Variants in RABGAP1L observed in about 807,000 individuals in gnomAD.
RABGAP1L encodes the protein RAB GTPase activating protein 1 like.
A neutral mutation model predicts 137.7 loss-of-function variants in RABGAP1L; 63 were observed. That is an observed-to-expected ratio of 0.46 (90% CI 0.37 to 0.56). RABGAP1L has a LOEUF of 0.56. Ranked by LOEUF, RABGAP1L falls within the 20% of genes least tolerant of loss-of-function variation. The probability of loss-of-function intolerance (pLI) is 0.00; values close to 1 mark genes in which losing one functional copy is unlikely to be tolerated. For synonymous variants in RABGAP1L, 431 were observed against 433.7 expected, an observed-to-expected ratio of 0.99 and a Z score of 0.08; for missense variants, 1,095 against 1,244.0, an observed-to-expected ratio of 0.88 and a Z score of 1.80.
At chr1:174,841,853 T>C (rs1213580771) in intron 19 of RABGAP1L, among the ~76,000 whole-genome samples, 2 of 150,848 alleles carry the variant, frequency 1.3e-5, no homozygotes, top group African/African-American at 4.8e-5. Context: ...TAGCACAGAA[T>C]AACTTTCTTT....
intron 18 of RABGAP1L, among the ~76,000 whole-genome samples, chr1:174,784,192 T>C (rs1164624367): frequency 6.6e-6 from 1 of 151,778 alleles, no homozygotes; most frequent in Non-Finnish European, 1.5e-5. Context: ...GCCAATTTTT[T>C]GTATTTTTAG....
intron 1 of RABGAP1L, among the ~76,000 whole-genome samples, chr1:174,166,565 T>G (rs1664926836): frequency 6.6e-6 from 1 of 152,206 alleles, no homozygotes; most frequent in Non-Finnish European, 1.5e-5. Flanking sequence ...TGTTTTGAAG[T>G]CTTGGATGGA....
chr1:174,743,654 GAATAAATA>G (rs778282792), intron 17 of RABGAP1L, among the ~76,000 whole-genome samples: 2 of 151,248 alleles, frequency 1.3e-5, no homozygotes, highest in Admixed American at 6.6e-5. Flanking sequence ...TAAAATAAAT[GAATAAATA>G]AATAAATAAT....
At chr1:174,318,030 T>C (rs1165257663) in intron 11 of RABGAP1L, among the ~76,000 whole-genome samples, 1 of 147,850 alleles carries the variant, frequency 6.8e-6, no homozygotes, top group African/African-American at 2.5e-5. Flanking sequence ...GGGGTGGTAT[T>C]GGCAGTTCAG....
At chr1:174,619,835 A>T (rs1672269488) in intron 13 of RABGAP1L, among the ~76,000 whole-genome samples, 1 of 152,238 alleles carries the variant, frequency 6.6e-6, no homozygotes, top group Non-Finnish European at 1.5e-5. Context: ...ATTAAAAGAC[A>T]CAGACTGGCA....
intron 7 of RABGAP1L, among the ~76,000 whole-genome samples, chr1:174,263,978 G>T (rs193017576): frequency 1.3e-5 from 2 of 151,664 alleles, no homozygotes; most frequent in Non-Finnish European, 2.9e-5. Context: ...TATTTTATCC[G>T]TATTTGTAAT....
chr1:174,297,279 C>T (rs1459259799), intron 10 of RABGAP1L, among the ~76,000 whole-genome samples: 2 of 152,124 alleles, frequency 1.3e-5, no homozygotes, highest in Admixed American at 6.5e-5. Flanking sequence ...GTCTGTCCCA[C>T]GCCACAGAAA....
Position 174,430,648 on chromosome 1 carries a change from ATAGT to A in RABGAP1L, c.1710+36507_1710+36510del, listed in dbSNP as rs1383930562. On this transcript the variant is annotated intron_variant, in intron 13 of 25. Coordinates refer to ENST00000681986, the MANE Select transcript of RABGAP1L (RefSeq NM_001366446.1). ...AAAATCCAAATTTCACACAAACCTAATAGTTAGAGTTCAGTTTAACAGACATTTA... is the reference window on the plus strand; with the variant it reads ...AAAATCCAAATTTCACACAAACCTAATAGAGTTCAGTTTAACAGACATTTA... Among the ~76,000 whole-genome samples the A allele has an allele frequency of 5.3e-5, 8 of 152,272 alleles. No homozygotes were observed. In the South Asian group the frequency reaches 8.3e-4, roughly 16 times the overall value.
chr1:174,542,297 C>T (rs1226866869), intron 13 of RABGAP1L, among the ~76,000 whole-genome samples: 1 of 152,134 alleles, frequency 6.6e-6, no homozygotes, highest in African/African-American at 2.4e-5. Flanking sequence ...TTCAGGGATT[C>T]AACTTCTTCC....
chr1:174,505,740 A>G (rs1009320712), intron 13 of RABGAP1L, among the ~76,000 whole-genome samples: 11 of 152,188 alleles, frequency 7.2e-5, no homozygotes, highest in African/African-American at 2.7e-4. Context: ...AACAGCATGG[A>G]TGTTCCTAAA....
intron 19 of RABGAP1L, among the ~76,000 whole-genome samples, chr1:174,890,494 T>G: frequency 6.6e-6 from 1 of 152,354 alleles, no homozygotes; most frequent in South Asian, 2.1e-4. Context: ...TTCATAAAGA[T>G]GTAGACACTT....
intron 13 of RABGAP1L, among the ~76,000 whole-genome samples, chr1:174,427,144 ATGTGTGTGTGTGTGTG>A (rs57986877): frequency 4.2e-5 from 6 of 144,568 alleles, no homozygotes; most frequent in Non-Finnish European, 7.6e-5. Context: ...CCGCATGTTT[ATGTGTGTGTGTGTGTG>A]TGTGTGTGTG....
At position 174,474,665 on chromosome 1, in the gene RABGAP1L, C is replaced by T. The variant is rs192030225; in HGVS notation, c.1710+80520C>T. Among the ~76,000 whole-genome samples, 6 of 152,140 alleles carry T rather than the reference C, an allele frequency of 3.9e-5. No individual in the cohort carries two copies. In the East Asian group the frequency reaches 7.7e-4, roughly 20 times the overall value. ...GTCGCCAGGCTGGAGTGCAGTGGCA[C>T]GATTTTAGCTCACTGCAACCTCCTC... is the stretch of plus-strand genomic sequence containing the variant. On this transcript the variant is annotated intron_variant, in intron 13 of 25. Transcript: ENST00000681986.
At chr1:174,614,474 T>G (rs1191769629) in intron 13 of RABGAP1L, among the ~76,000 whole-genome samples, 1 of 152,246 alleles carries the variant, frequency 6.6e-6, no homozygotes, top group African/African-American at 2.4e-5. Flanking sequence ...CTTCCCTTTG[T>G]GGGTAACCCA....
intron 13 of RABGAP1L, among the ~76,000 whole-genome samples, chr1:174,590,210 G>C (rs1389533995): frequency 1.6e-5 from 2 of 128,680 alleles, no homozygotes; most frequent in African/African-American, 2.9e-5. Context: ...TTCCTTTACA[G>C]CAATTTAAAA....
chr1:174,569,275 T>C (rs1436699209), intron 13 of RABGAP1L, among the ~76,000 whole-genome samples: 1 of 152,122 alleles, frequency 6.6e-6, no homozygotes, highest in Non-Finnish European at 1.5e-5. Flanking sequence ...TGTGAATAAT[T>C]TTGGAGAACT....
intron 18 of RABGAP1L, among the ~76,000 whole-genome samples, chr1:174,762,058 C>T (rs1156292067): frequency 6.6e-6 from 1 of 151,914 alleles, no homozygotes; most frequent in African/African-American, 2.4e-5. Flanking sequence ...ATGCTCTGTG[C>T]TGGGAGTGTG....
intron 1 of RABGAP1L, among the ~76,000 whole-genome samples, chr1:174,203,377 C>T (rs996182020): frequency 6.6e-6 from 1 of 152,020 alleles, no homozygotes; most frequent in Non-Finnish European, 1.5e-5. Context: ...AGTCTTTTCC[C>T]CATTGTTTTT....
Position 174,304,983 on chromosome 1 carries a change from C to G in RABGAP1L, c.1324-3C>G. The stretch of plus-strand genomic sequence containing the variant: ...CTTAAATATACTGTTATATTTTTCT[C>G]AGTCTGAGGGAAAAGGCCATACCAA... On this transcript the variant is annotated splice_region_variant and splice_polypyrimidine_tract_variant and intron_variant, in intron 10 of 25. Coordinates refer to ENST00000681986, the MANE Select transcript of RABGAP1L (RefSeq NM_001366446.1). 1 of 1,534,146 alleles carries G rather than the reference C, an allele frequency of 6.5e-7. No homozygotes were observed. The highest frequency in any genetic ancestry group is 8.7e-7 in the Non-Finnish European group (1 of 1,146,602).
Sources: allele counts gnomAD v4.1 joint callset (sites outside exome capture counted in the v4.1 genomes callset), GRCh38; gene constraint gnomAD v4.1.1; transcripts MANE v1.5; gene names NCBI Gene and HGNC (gene_info 2026-07-23, HGNC 2026-07-21).